PTPN3: variants seen among roughly 807,000 people sequenced by gnomAD.
PTPN3 encodes protein tyrosine phosphatase non-receptor type 3.
Under a neutral mutation model 132.7 loss-of-function variants are expected in PTPN3, and 96 were observed. That is an observed-to-expected ratio of 0.72 (90% CI 0.61 to 0.86). PTPN3 has a LOEUF of 0.86. Ranked by LOEUF, PTPN3 falls within the 40% of genes least tolerant of loss-of-function variation. The pLI is 0.00. For missense variants in PTPN3, 1,125 were observed against 1,159.6 expected, an observed-to-expected ratio of 0.97 and a Z score of 0.43; for synonymous variants, 398 against 429.0, an observed-to-expected ratio of 0.93 and a Z score of 0.89.
At chr9:109,485,157 A>G (rs1847147977) in intron 1 of PTPN3, among the ~76,000 whole-genome samples, 1 of 151,960 alleles carries the variant, frequency 6.6e-6, no homozygotes, top group South Asian at 2.1e-4. Flanking sequence ...TGAACCTGGG[A>G]GATGGAGGTT....
In PTPN3 at chr9:109,428,647, A is replaced by G; in HGVS notation, c.802T>C (p.Phe268Leu). 1 of 1,613,914 alleles carries G rather than the reference A, an allele frequency of 6.2e-7. No homozygotes were observed. The highest frequency in any genetic ancestry group is 8.5e-7 in the Non-Finnish European group (1 of 1,179,888). ...ILKISFKRKK[F>L]FIHQRQKQAE... The stretch of plus-strand genomic sequence containing the variant: ...TGTTTCTGTCGCTGATGTATGAAGA[A>G]CTTTTTCCTTTTGAAAGAAATTTTG... The change falls in exon 11 of 26, where the codon TTC becomes CTC. Residue 268 changes from phenylalanine (F) to leucine (L), a missense_variant. Coordinates refer to ENST00000374541, the MANE Select transcript of PTPN3 (RefSeq NM_002829.4).
intron 9 of PTPN3, among the ~76,000 whole-genome samples, chr9:109,434,204 T>A (rs2131913434): frequency 6.6e-6 from 1 of 152,354 alleles, no homozygotes; most frequent in Non-Finnish European, 1.5e-5. Context: ...AGTGCAGTGG[T>A]GCACACGTGG....
intron 7 of PTPN3, among the ~76,000 whole-genome samples, chr9:109,438,666 T>A (rs553619477): frequency 9.9e-5 from 15 of 152,268 alleles, no homozygotes; most frequent in Admixed American, 4.6e-4. Flanking sequence ...AAGGTTACCA[T>A]AACACTGGAC....
chr9:109,382,596 T>G, intron 23 of PTPN3, 149 bp from the exon 24 acceptor site: 2 of 857,634 alleles, frequency 2.3e-6, no homozygotes, highest in Non-Finnish European at 3.6e-6. Context: ...CCTCCCCTCC[T>G]TCCCCAAAGA....
intron 16 of PTPN3, among the ~76,000 whole-genome samples, chr9:109,409,164 A>G (rs1310911481): frequency 6.6e-6 from 1 of 152,150 alleles, no homozygotes; most frequent in Non-Finnish European, 1.5e-5. Flanking sequence ...TGTGGCTGTT[A>G]CCAAAAAAAC....
the PTPN3 span, among the ~76,000 whole-genome samples, chr9:109,524,288 T>C: frequency 2.1e-5 from 2 of 94,104 alleles, no homozygotes; most frequent in Admixed American, 2.3e-4. Context: ...CTGCCATTCA[T>C]TGAAAGCCTG....
intron 1 of PTPN3, among the ~76,000 whole-genome samples, chr9:109,487,767 A>G (rs1334812731): frequency 6.6e-6 from 1 of 152,242 alleles, no homozygotes; most frequent in African/African-American, 2.4e-5. Context: ...GAGAAATGCC[A>G]AAAGGTATTA....
At chr9:109,446,496 A>G (rs890863685) in intron 6 of PTPN3, among the ~76,000 whole-genome samples, 5 of 152,192 alleles carry the variant, frequency 3.3e-5, no homozygotes, top group African/African-American at 1.2e-4. Flanking sequence ...GATGAGGTCC[A>G]GGGATCTCAC....
chr9:109,508,865 C>G, the PTPN3 span, among the ~76,000 whole-genome samples: 1 of 152,062 alleles, frequency 6.6e-6, no homozygotes, highest in African/African-American at 2.4e-5. Context: ...CCCCCCCCAC[C>G]CACCAACCTC....
chr9:109,416,433 T>G (rs1266644247), intron 14 of PTPN3, among the ~76,000 whole-genome samples: 4 of 147,964 alleles, frequency 2.7e-5, no homozygotes, highest in East Asian at 2.2e-4. Context: ...AAGTTTTTTG[T>G]TTTTTGTTTT....
the PTPN3 span, among the ~76,000 whole-genome samples, chr9:109,528,372 G>A: frequency 2.0e-5 from 3 of 152,166 alleles, no homozygotes; most frequent in African/African-American, 7.2e-5. Context: ...ACTGTGTTAT[G>A]TTCATCAATG....
At chr9:109,508,825 G>A in the PTPN3 span, among the ~76,000 whole-genome samples, 1 of 148,368 alleles carries the variant, frequency 6.7e-6, no homozygotes, top group Non-Finnish European at 1.5e-5. Flanking sequence ...TAAATTTCTT[G>A]CCTATGTGTA....
chr9:109,519,402 G>C, the PTPN3 span, among the ~76,000 whole-genome samples: 3 of 152,206 alleles, frequency 2.0e-5, no homozygotes, highest in Non-Finnish European at 4.4e-5. Context: ...AGTAGGTTAG[G>C]TGTATTAAAT....
chr9:109,479,372 T>C (rs116944158), intron 1 of PTPN3, among the ~76,000 whole-genome samples: 3,910 of 152,384 alleles, frequency 0.026, 77 homozygotes, highest in Non-Finnish European at 0.041. Context: ...TTTCTTTTTA[T>C]GACTGAATGA....
At chr9:109,382,752 T>A (rs932966416) in intron 23 of PTPN3, among the ~76,000 whole-genome samples, 1 of 79,602 alleles carries the variant, frequency 1.3e-5, no homozygotes, top group Non-Finnish European at 2.5e-5. Context: ...ATGCTGACTG[T>A]TTTTTTTTTT....
At position 109,391,175 on chromosome 9, in the gene PTPN3, T is replaced by C. The variant is rs1045080214; in HGVS notation, c.2069A>G (p.Gln690Arg). Residue 690 changes from glutamine to arginine, a missense_variant, in exon 21 of 26, where the codon CAG (glutamine) becomes CGG (arginine). Physicochemically the swap from Gln to Arg is conservative, Grantham distance 43. Transcript: ENST00000374541. ...TGCATTAATATAATCTTCATTTCCC[T>C]GCAATAATACCCGGGTGGTGTCATC... is the stretch of plus-strand genomic sequence containing the variant. The part of the protein sequence containing the change: ...LPYDTTRVLL[Q>R]GNEDYINASY... 6.2e-7 allele frequency: 1 copy of C among 1,613,520 alleles called. No homozygotes were observed. Among genetic ancestry groups the C allele is most frequent in the South Asian group, 1.1e-5 (1 of 90,956 alleles).
At chr9:109,477,122 T>C (rs544698646) in intron 1 of PTPN3, among the ~76,000 whole-genome samples, 1 of 152,134 alleles carries the variant, frequency 6.6e-6, no homozygotes, top group South Asian at 2.1e-4. Context: ...CCACTCTGAG[T>C]CCACTGATCC....
chr9:109,427,484 G>A (rs1217365484), intron 11 of PTPN3, among the ~76,000 whole-genome samples: 1 of 152,216 alleles, frequency 6.6e-6, no homozygotes, highest in Non-Finnish European at 1.5e-5. Flanking sequence ...CTCTCCTGAA[G>A]GAATACTCTT....
In PTPN3 at chr9:109,422,761, T is replaced by C; in HGVS notation, c.1093A>G (p.Thr365Ala). 2 of 1,611,510 alleles carry C rather than the reference T, an allele frequency of 1.2e-6. No individual in the cohort carries two copies. The highest frequency in any genetic ancestry group is 1.3e-5 in the African/African-American group (1 of 74,708). The change falls in exon 13 of 26, where the codon ACC (threonine) becomes GCC (alanine). Residue 365 changes from threonine to alanine, a missense_variant. Coordinates refer to ENST00000374541, the MANE Select transcript of PTPN3 (RefSeq NM_002829.4). ...GGGGAACGAGAAGGCAGACTCTTGG[T>C]TTCTAAGTGCTCCACTGATAAGGAT... ...RRSLSVEHLE[T>A]KSLPSRSPPI... is the part of the protein sequence containing the mutation.
Sources: allele counts gnomAD v4.1 joint callset (sites outside exome capture counted in the v4.1 genomes callset), GRCh38; gene constraint gnomAD v4.1.1; transcripts MANE v1.5; gene names NCBI Gene and HGNC (gene_info 2026-07-23, HGNC 2026-07-21).